Variants in PTPRD observed in about 807,000 individuals in gnomAD.
PTPRD encodes protein tyrosine phosphatase receptor type D.
A neutral mutation model predicts 214.5 loss-of-function variants in PTPRD; 34 were observed. That is an observed-to-expected ratio of 0.16 (90% CI 0.12 to 0.21). The LOEUF (loss-of-function observed/expected upper bound fraction) is 0.21, where lower values mean the gene tolerates loss of function less well. PTPRD is among the 10% of genes least tolerant of loss of function. The pLI is 1.00. For missense variants in PTPRD, 2,545 were observed against 2,398.7 expected, an observed-to-expected ratio of 1.06 and a Z score of -1.27; for synonymous variants, 1,128 against 845.7, an observed-to-expected ratio of 1.33 and a Z score of -5.79.
chr9:8,500,701 C>T lies in PTPRD; in HGVS notation c.2128+53G>A, dbSNP rs1169769386. 1.3e-6 allele frequency: 2 copies of T among 1,535,628 alleles called. 1 individual carries two copies. On this transcript the variant is annotated intron_variant, in intron 24 of 45. Coordinates refer to ENST00000381196, the MANE Select transcript of PTPRD (RefSeq NM_002839.4). Reference sequence around the variant, plus strand: ...TTACTGTGAGCCTATTGAAAGACAGCAGATCAAGACTGTGTCAGAAGGGTG... The same window carrying T: ...TTACTGTGAGCCTATTGAAAGACAGTAGATCAAGACTGTGTCAGAAGGGTG...
chr9:9,788,686 G>A (rs1326850297), intron 5 of PTPRD, among the ~76,000 whole-genome samples: 1 of 152,030 alleles, frequency 6.6e-6, no homozygotes, highest in Non-Finnish European at 1.5e-5. Context: ...GTTTAAAGGG[G>A]GAGAAGTAAA....
chr9:8,434,103 C>T (rs1206344922), intron 35 of PTPRD, among the ~76,000 whole-genome samples: 2 of 152,162 alleles, frequency 1.3e-5, no homozygotes, highest in East Asian at 3.9e-4. Flanking sequence ...CTGCCTCAGC[C>T]TCCCAAGTGG....
rs562052027 is a variant in PTPRD at position 9,012,352 on chromosome 9, C to T, written c.-104+6345G>A. Among the ~76,000 whole-genome samples the T allele has an allele frequency of 2.0e-5, 3 of 152,280 alleles. No homozygotes were observed. In the South Asian group the frequency reaches 6.2e-4, roughly 32 times the overall value. On this transcript the variant is annotated intron_variant, in intron 11 of 45. Coordinates refer to ENST00000381196, the MANE Select transcript of PTPRD (RefSeq NM_002839.4). ...GATAATAAATATATTTTGTGTTAAT[C>T]TGCTGAGTTTCTTACAATCATAGAA... is the stretch of plus-strand genomic sequence containing the variant.
intron 7 of PTPRD, among the ~76,000 whole-genome samples, chr9:9,721,735 A>G (rs910944290): frequency 6.6e-6 from 1 of 152,056 alleles, no homozygotes; most frequent in African/African-American, 2.4e-5. Flanking sequence ...ATAAATTCTT[A>G]CCCATATCTC....
intron 30 of PTPRD, among the ~76,000 whole-genome samples, chr9:8,481,157 A>T (rs984670491): frequency 8.6e-5 from 13 of 151,306 alleles, no homozygotes; most frequent in African/African-American, 3.1e-4. Flanking sequence ...AAAAAAAAAA[A>T]AAAAAAAAAT....
intron 11 of PTPRD, among the ~76,000 whole-genome samples, chr9:8,902,057 T>G (rs1202895289): frequency 6.6e-6 from 1 of 152,174 alleles, no homozygotes; most frequent in Non-Finnish European, 1.5e-5. Context: ...CACACAGATA[T>G]CCCATATGCA....
At chr9:9,275,076 AT>A (rs1944562123) in intron 9 of PTPRD, among the ~76,000 whole-genome samples, 2 of 77,920 alleles carry the variant, frequency 2.6e-5, no homozygotes, top group East Asian at 3.4e-4. Context: ...TTATATATAT[AT>A]ATATAATATA....
intron 3 of PTPRD, among the ~76,000 whole-genome samples, chr9:10,312,457 G>C (rs922400890): frequency 6.6e-6 from 1 of 151,820 alleles, no homozygotes; most frequent in Non-Finnish European, 1.5e-5. Flanking sequence ...AGTTTTGTTG[G>C]ATTAGAAACG....
intron 5 of PTPRD, among the ~76,000 whole-genome samples, chr9:9,879,421 C>A (rs950741103): frequency 6.6e-6 from 1 of 152,236 alleles, no homozygotes; most frequent in East Asian, 1.9e-4. Flanking sequence ...CAGTGAGAAA[C>A]AGAACTATAC....
intron 3 of PTPRD, among the ~76,000 whole-genome samples, chr9:10,192,271 G>A (rs1229562472): frequency 6.6e-6 from 1 of 151,900 alleles, no homozygotes; most frequent in Non-Finnish European, 1.5e-5. Flanking sequence ...TCACTTAATT[G>A]CCTGAGATGT....
At chr9:9,888,329 G>T (rs1004361739) in intron 5 of PTPRD, among the ~76,000 whole-genome samples, 5 of 152,284 alleles carry the variant, frequency 3.3e-5, no homozygotes, top group African/African-American at 1.2e-4. Context: ...TTTGGACATT[G>T]CCTTGTGAAG....
At chr9:10,433,090 T>G (rs1172079406) in intron 2 of PTPRD, among the ~76,000 whole-genome samples, 1 of 151,844 alleles carries the variant, frequency 6.6e-6, no homozygotes, top group Non-Finnish European at 1.5e-5. Flanking sequence ...GCAGAGACAA[T>G]GATGTATGTG....
intron 5 of PTPRD, among the ~76,000 whole-genome samples, chr9:9,873,392 A>G (rs1334443936): frequency 6.6e-6 from 1 of 151,426 alleles, no homozygotes; most frequent in Non-Finnish European, 1.5e-5. Context: ...TGGTCAATAT[A>G]TTTCCCATCC....
At chr9:9,227,990 A>G (rs910500991) in intron 9 of PTPRD, among the ~76,000 whole-genome samples, 2 of 152,008 alleles carry the variant, frequency 1.3e-5, no homozygotes, top group Non-Finnish European at 2.9e-5. Flanking sequence ...GTAATGCCCT[A>G]TTTTTCCAAG....
At chr9:8,952,511 C>T (rs1324575291) in intron 11 of PTPRD, among the ~76,000 whole-genome samples, 1 of 151,846 alleles carries the variant, frequency 6.6e-6, no homozygotes, top group African/African-American at 2.4e-5. Context: ...CACATAGTCA[C>T]ACATTATCCC....
At chr9:9,282,888 C>T (rs1468603633) in intron 9 of PTPRD, among the ~76,000 whole-genome samples, 1 of 151,404 alleles carries the variant, frequency 6.6e-6, no homozygotes, top group African/African-American at 2.4e-5. Context: ...TATAAGTTGT[C>T]ATTTTTATAG....
chr9:10,226,279 G>C (rs1414966483), intron 3 of PTPRD, among the ~76,000 whole-genome samples: 1 of 152,080 alleles, frequency 6.6e-6, no homozygotes, highest in Admixed American at 6.6e-5. Flanking sequence ...GATGGCCACA[G>C]CTTTGCTCTG....
intron 37 of PTPRD, among the ~76,000 whole-genome samples, chr9:8,378,695 A>C (rs1436079864): frequency 6.6e-6 from 1 of 152,126 alleles, no homozygotes; most frequent in Non-Finnish European, 1.5e-5. Flanking sequence ...GCACAAAAAC[A>C]GCACATTAAT....
chr9:9,947,575 T>A (rs866089339), intron 4 of PTPRD, among the ~76,000 whole-genome samples: 901 of 41,910 alleles, frequency 0.021, 23 homozygotes, highest in East Asian at 0.06. Flanking sequence ...TATATATATA[T>A]TATATATATA....
Sources: gnomAD v4.1 joint callset for allele counts (sites outside exome capture counted in the v4.1 genomes callset) on GRCh38, gnomAD v4.1.1 for gene constraint, MANE v1.5 for transcripts, NCBI Gene and HGNC (gene_info 2026-07-23, HGNC 2026-07-21) for gene names.